MDGA2: variants seen among roughly 807,000 people sequenced by gnomAD.
The protein encoded by MDGA2 is MAM domain containing glycosylphosphatidylinositol anchor 2, also known as MAM domain-containing glycosylphosphatidylinositol anchor protein 2.
MDGA2 carries 40 observed loss-of-function variants against 117.8 expected under a neutral mutation model. That is an observed-to-expected ratio of 0.34 (90% CI 0.26 to 0.44). MDGA2 has a LOEUF of 0.44. MDGA2 is among the 20% of genes least tolerant of loss of function. MDGA2 has a pLI of 1.00. For synonymous variants in MDGA2, 452 were observed against 439.0 expected (o/e 1.03, Z -0.37); for missense variants, 1,123 against 1,250.6 (o/e 0.90, Z 1.54).
At chr14:46,976,925 C>T (rs2050966) in intron 8 of MDGA2, among the ~76,000 whole-genome samples, 104,761 of 151,682 alleles carry the variant, frequency 0.69, 37,317 homozygotes, top group African/African-American at 0.83. Flanking sequence ...TTAACAAGTT[C>T]ATGCCTTGGA....
intron 1 of MDGA2, among the ~76,000 whole-genome samples, chr14:47,317,978 T>G (rs1015557880): frequency 1.3e-5 from 2 of 152,130 alleles, no homozygotes; most frequent in African/African-American, 4.8e-5. Context: ...CCTACATCAT[T>G]GAATGGCAAT....
intron 1 of MDGA2, among the ~76,000 whole-genome samples, chr14:47,462,103 C>G (rs975851867): frequency 1.4e-4 from 21 of 152,110 alleles, no homozygotes; most frequent in African/African-American, 5.1e-4. Context: ...AACTTGCAAG[C>G]GCGGTGGCTC....
intron 8 of MDGA2, among the ~76,000 whole-genome samples, chr14:46,996,143 G>T (rs964985673): frequency 6.6e-6 from 1 of 152,082 alleles, no homozygotes; most frequent in African/African-American, 2.4e-5. Context: ...ATAGGTTTTA[G>T]GAAAAGCTTT....
chr14:47,350,044 ATGAC>A (rs1236249414), intron 1 of MDGA2, among the ~76,000 whole-genome samples: 4 of 152,224 alleles, frequency 2.6e-5, no homozygotes, highest in African/African-American at 7.2e-5. Flanking sequence ...AAGTCAGCAT[ATGAC>A]TGACTGTGTC....
At chr14:47,119,171 C>CT (rs1462551374) in intron 5 of MDGA2, among the ~76,000 whole-genome samples, 1 of 11,404 alleles carries the variant, frequency 8.8e-5, no homozygotes, top group Non-Finnish European at 6.5e-4. Context: ...CTGCCTCAGC[C>CT]CCGCCCCCCC....
intron 1 of MDGA2, among the ~76,000 whole-genome samples, chr14:47,319,375 CAAATAATGAAATTGTTTT>C (rs1480410100): frequency 1.3e-5 from 2 of 152,150 alleles, no homozygotes; most frequent in East Asian, 3.9e-4. Context: ...ATTTGTTTTC[CAAATAATGAAATTGTTTT>C]TACCCATTTC....
intron 8 of MDGA2, among the ~76,000 whole-genome samples, chr14:47,022,287 C>T (rs1342312768): frequency 6.6e-6 from 1 of 151,964 alleles, no homozygotes; most frequent in Non-Finnish European, 1.5e-5. Flanking sequence ...GGGTGTTTCC[C>T]GGGCTTGTCT....
At position 46,873,421 on chromosome 14, in the gene MDGA2, T is replaced by C; in HGVS notation, c.2752+12A>G. The stretch of plus-strand genomic sequence containing the variant: ...TTAATTTTGTAAGAATCAGTAATTA[T>C]TGCTATCTCACCTATATGTTGTCCA... On this transcript the variant is annotated intron_variant, in intron 14 of 16. Transcript: ENST00000399232. 6.3e-7 allele frequency: 1 copy of C among 1,575,482 alleles called. No homozygotes were observed. The highest frequency in any genetic ancestry group is 8.6e-7 in the Non-Finnish European group (1 of 1,159,480).
Position 47,342,713 on chromosome 14 carries a change from C to G in MDGA2, c.281-41163G>C, listed in dbSNP as rs1420799942. On this transcript the variant is annotated intron_variant, in intron 1 of 16. Coordinates refer to ENST00000399232, the MANE Select transcript of MDGA2 (RefSeq NM_001113498.3). Reference sequence around the variant, plus strand: ...ACGGAGAAATGTTTTTCAGGTAGGCCTACAGTCTGGAGAATGGGTGCTCAA... The same window carrying G: ...ACGGAGAAATGTTTTTCAGGTAGGCGTACAGTCTGGAGAATGGGTGCTCAA... 2.0e-5 allele frequency among the ~76,000 whole-genome samples: 3 copies of G among 152,106 alleles called. No homozygotes were observed. In the East Asian group the frequency reaches 5.8e-4, roughly 29 times the overall value.
chr14:47,087,710 A>G (rs1890955727), intron 6 of MDGA2, among the ~76,000 whole-genome samples: 1 of 151,664 alleles, frequency 6.6e-6, no homozygotes, highest in Admixed American at 6.6e-5. Context: ...CTGGGAATTA[A>G]GTACCTGCCA....
At chr14:47,166,262 T>C (rs1295966891) in intron 3 of MDGA2, among the ~76,000 whole-genome samples, 2 of 152,044 alleles carry the variant, frequency 1.3e-5, no homozygotes, top group Non-Finnish European at 2.9e-5. Flanking sequence ...TATTGATCTC[T>C]AGACCTCGTG....
At chr14:47,391,650 T>A (rs1254226754) in intron 1 of MDGA2, among the ~76,000 whole-genome samples, 1 of 152,198 alleles carries the variant, frequency 6.6e-6, no homozygotes, top group African/African-American at 2.4e-5. Flanking sequence ...GTTTTATCAA[T>A]TATTAAATGT....
intron 7 of MDGA2, among the ~76,000 whole-genome samples, chr14:47,039,715 T>A (rs1888992129): frequency 6.6e-6 from 1 of 152,204 alleles, no homozygotes; most frequent in South Asian, 2.1e-4. Context: ...TATGACACAG[T>A]CTTTTTAAAT....
chr14:46,964,339 G>A (rs1299448318), intron 8 of MDGA2, among the ~76,000 whole-genome samples: 6 of 152,196 alleles, frequency 3.9e-5, no homozygotes, highest in African/African-American at 1.2e-4. Context: ...AAGTATTGGA[G>A]TAGTTTGTTA....
At chr14:47,427,473 A>G (rs1008325701) in intron 1 of MDGA2, among the ~76,000 whole-genome samples, 1 of 152,034 alleles carries the variant, frequency 6.6e-6, no homozygotes, top group Non-Finnish European at 1.5e-5. Context: ...AGTAGTGACA[A>G]GAAAAAAGTT....
At chr14:47,255,134 C>A (rs549508944) in intron 2 of MDGA2, among the ~76,000 whole-genome samples, 1 of 152,080 alleles carries the variant, frequency 6.6e-6, no homozygotes, top group South Asian at 2.1e-4. Context: ...ACATATTACC[C>A]ATTTTAATTT....
chr14:47,591,307 T>C (rs1432452656), intron 1 of MDGA2, among the ~76,000 whole-genome samples: 1 of 152,092 alleles, frequency 6.6e-6, no homozygotes, highest in Non-Finnish European at 1.5e-5. Flanking sequence ...CTCACTGCCA[T>C]GCAAAGGCAG....
intron 3 of MDGA2, among the ~76,000 whole-genome samples, chr14:47,163,648 G>T (rs955701676): frequency 6.6e-6 from 1 of 152,106 alleles, no homozygotes; most frequent in Non-Finnish European, 1.5e-5. Context: ...CCTGTCTCTG[G>T]TATATCTTTA....
intron 1 of MDGA2, among the ~76,000 whole-genome samples, chr14:47,569,917 T>C (rs1895987841): frequency 6.6e-6 from 1 of 152,224 alleles, no homozygotes; most frequent in South Asian, 2.1e-4. Context: ...CTTTTAAAGA[T>C]CTATGGTTAC....
Sources: allele counts gnomAD v4.1 joint callset (sites outside exome capture counted in the v4.1 genomes callset), GRCh38; gene constraint gnomAD v4.1.1; transcripts MANE v1.5; gene names NCBI Gene and HGNC (gene_info 2026-07-23, HGNC 2026-07-21).